The following WAC variants were observed in gnomAD, a reference collection of about 807,000 sequenced individuals.
WAC encodes WW domain containing adaptor with coiled-coil.
Under a neutral mutation model 79.6 loss-of-function variants are expected in WAC, and 11 were observed. The observed-to-expected ratio is 0.14, with a 90% CI of 0.09 to 0.23. The LOEUF is 0.23. WAC is among the 10% of genes least tolerant of loss of function. The probability of loss-of-function intolerance (pLI) is 1.00; values close to 1 mark genes in which losing one functional copy is unlikely to be tolerated. For synonymous variants in WAC, 304 were observed against 276.9 expected (o/e 1.10, Z -0.97); for missense variants, 728 against 773.5 (o/e 0.94, Z 0.70).
chr10:28,590,812 C>G lies in WAC; in HGVS notation c.590C>G (p.Thr197Ser). Reference sequence around the variant, plus strand: ...AGAGAGGTGATGCAAGCAACAGCCACTAGTGGGTTTGCCAGTGGAAGTAAG... The same window carrying G: ...AGAGAGGTGATGCAAGCAACAGCCAGTAGTGGGTTTGCCAGTGGAAGTAAG... ...YRREVMQATA[T>S]SGFASGMEDK... Residue 197 changes from threonine (T) to serine (S), a missense_variant, in exon 6 of 14, where the codon ACT becomes AGT. Around this residue, in one of 3 missense-constraint regions of WAC, gnomAD observed 648 missense variants for 661.5 expected, o/e 0.98. Coordinates refer to ENST00000354911, the MANE Select transcript of WAC (RefSeq NM_016628.5). The G allele has an allele frequency of 6.2e-7, 1 of 1,610,436 alleles. No individual in the cohort carries two copies. The highest frequency in any genetic ancestry group is 8.5e-7 in the Non-Finnish European group (1 of 1,179,084).
Position 28,553,610 on chromosome 10 carries a change from T to A in WAC, c.274+17853T>A, listed in dbSNP as rs545738409. Among the ~76,000 whole-genome samples the A allele has an allele frequency of 3.3e-5, 5 of 152,280 alleles. No homozygotes were observed. In the East Asian group the frequency reaches 7.7e-4, roughly 24 times the overall value. ...ATGGTTTTATAGTGCCGTTTAAGAT[T>A]GAGGGAAGGGTTGTTACTGTTTTAA... is the stretch of plus-strand genomic sequence containing the variant. On this transcript the variant is annotated intron_variant, in intron 3 of 13. Transcript: ENST00000354911.
intron 13 of WAC, among the ~76,000 whole-genome samples, chr10:28,618,371 G>A (rs1841564950): frequency 1.3e-5 from 2 of 150,430 alleles, no homozygotes; most frequent in Non-Finnish European, 3.0e-5. Context: ...GTTACAGGTC[G>A]ATTGAATCTT....
At chr10:28,546,363 A>T (rs1295799821) in intron 3 of WAC, among the ~76,000 whole-genome samples, 1 of 152,214 alleles carries the variant, frequency 6.6e-6, no homozygotes, top group Non-Finnish European at 1.5e-5. Context: ...GATTGTGAAA[A>T]GATTCATTGT....
At chr10:28,587,699 C>T (rs912847543) in intron 4 of WAC, among the ~76,000 whole-genome samples, 1 of 152,206 alleles carries the variant, frequency 6.6e-6, no homozygotes, top group Non-Finnish European at 1.5e-5. Flanking sequence ...TTTTCCTTAA[C>T]TCCTTGAGGA....
In WAC at chr10:28,595,717, G is replaced by T. The variant is rs190151036; in HGVS notation, c.611-16G>T. On this transcript the variant is annotated splice_polypyrimidine_tract_variant and intron_variant, in intron 6 of 13. Transcript: ENST00000354911. ...CTGTCATTCCAACATCTGTTTTTTC[G>T]AACTGTGAACTAAAGTGGAAGACAA... 7 of 1,593,524 alleles carry T rather than the reference G, an allele frequency of 4.4e-6. No homozygotes were observed. In the South Asian group the frequency reaches 5.6e-5, roughly 13 times the overall value.
intron 3 of WAC, among the ~76,000 whole-genome samples, chr10:28,578,224 A>G (rs924089862): frequency 1.3e-5 from 2 of 152,208 alleles, no homozygotes; most frequent in Non-Finnish European, 2.9e-5. Context: ...GACAACTTTG[A>G]GATCTACAAT....
Position 28,597,518 on chromosome 10 carries a change from A to G in WAC, c.919+1477A>G, listed in dbSNP as rs115214171. Among the ~76,000 whole-genome samples the G allele has an allele frequency of 2.8e-3, 424 of 152,080 alleles. 2 individuals carry two copies. Among genetic ancestry groups the G allele is most frequent in the African/African-American group, 9.6e-3 (397 of 41,490 alleles). On this transcript the variant is annotated intron_variant, in intron 7 of 13. Coordinates refer to ENST00000354911, the MANE Select transcript of WAC (RefSeq NM_016628.5). ...TGATACTACACTCCTTCAGTTGCCT[A>G]TTTCTGTTCCTTCCTGCTTACATAT...
chr10:28,583,486 C>T lies in WAC; in HGVS notation c.362C>T (p.Pro121Leu). Residue 121 changes from proline to leucine, a missense_variant, in exon 4 of 14, where the codon CCA (proline) becomes CTA (leucine). Physicochemically the swap from Pro to Leu is moderately conservative, Grantham distance 98. Transcript: ENST00000354911. ...NSHSSNPSNNPSKTSDAPYDS... is the reference protein window; with the variant it reads ...NSHSSNPSNNLSKTSDAPYDS... ...CATTCTTCTAATCCAAGCAATAACC[C>T]AAGCAAAACTTCAGATGCAGTAAGT... 1 of 1,569,308 alleles carries T rather than the reference C, an allele frequency of 6.4e-7. No homozygotes were observed. The highest frequency in any genetic ancestry group is 8.6e-7 in the Non-Finnish European group (1 of 1,162,462).
At chr10:28,572,380 G>C (rs1383458462) in intron 3 of WAC, among the ~76,000 whole-genome samples, 2 of 150,474 alleles carry the variant, frequency 1.3e-5, no homozygotes, top group Non-Finnish European at 3.0e-5. Flanking sequence ...TGTGTGCTAT[G>C]ATGGGGGCTT....
chr10:28,619,212 G>A (rs2772434), intron 13 of WAC, among the ~76,000 whole-genome samples: 19,006 of 152,154 alleles, frequency 0.12, 1,458 homozygotes, highest in South Asian at 0.31. Context: ...CCCGGGAGGC[G>A]GAGATTGCAG....
intron 7 of WAC, among the ~76,000 whole-genome samples, chr10:28,604,194 AC>A (rs1840813117): frequency 6.7e-6 from 1 of 150,346 alleles, no homozygotes; most frequent in African/African-American, 2.4e-5. Flanking sequence ...TTTGACTGTT[AC>A]GTCGATGGAA....
Position 28,595,878 on chromosome 10 carries a change from A to C in WAC, c.756A>C (p.Pro252=). 6.2e-7 allele frequency: 1 copy of C among 1,614,138 alleles called. No individual in the cohort carries two copies. The change falls in exon 7 of 14, where the codon CCA becomes CCC. Residue 252 remains proline, a synonymous_variant. Transcript: ENST00000354911. ...SSTPVQHPIK[P]VVHPTATPST... The stretch of plus-strand genomic sequence containing the variant: ...CGCCAGTACAGCACCCCATCAAACC[A>C]GTGGTTCATCCAACTGCTACCCCAA...
rs71391053 is a variant in WAC, at chr10:28,581,238, C to CTTTT, written c.275-2132_275-2129dup. On this transcript the variant is annotated intron_variant, in intron 3 of 13. Coordinates refer to ENST00000354911, the MANE Select transcript of WAC (RefSeq NM_016628.5). The stretch of plus-strand genomic sequence containing the variant: ...AACAGCTTAGGTACAATGAGCGATT[C>CTTTT]TTTTTTTTTTTTTTTTTTTTTTTTT... Among the ~76,000 whole-genome samples, 238 of 66,102 alleles carry CTTTT rather than the reference C, an allele frequency of 3.6e-3. 12 individuals carry two copies. Among genetic ancestry groups the CTTTT allele is most frequent in the Non-Finnish European group, 4.1e-3 (147 of 36,026 alleles). The allele number at this position is 66,102 out of a possible 152,430, so 43.4% of individuals were successfully genotyped here.
intron 9 of WAC, chr10:28,611,189 T>G (rs559044182): frequency 9.1e-7 from 1 of 1,104,456 alleles, no homozygotes; most frequent in African/African-American, 1.6e-5. Flanking sequence ...GAAGTTTGGT[T>G]CAGATTGACG....
intron 7 of WAC, among the ~76,000 whole-genome samples, chr10:28,607,195 A>T (rs1378909645): frequency 6.6e-6 from 1 of 152,176 alleles, no homozygotes; most frequent in East Asian, 1.9e-4. Context: ...AACTTTACAC[A>T]TCTGCTTGGT....
intron 3 of WAC, among the ~76,000 whole-genome samples, chr10:28,564,770 G>A (rs1002405881): frequency 4.6e-5 from 7 of 152,264 alleles, no homozygotes; most frequent in Admixed American, 2.6e-4. Flanking sequence ...ATCACCTTGC[G>A]TAGCTGTAGT....
chr10:28,560,582 A>G (rs1313879021), intron 3 of WAC, among the ~76,000 whole-genome samples: 1 of 152,144 alleles, frequency 6.6e-6, no homozygotes, highest in Non-Finnish European at 1.5e-5. Flanking sequence ...GAAGGCACAG[A>G]TTTGGGCTGA....
chr10:28,577,326 T>G lies in WAC; in HGVS notation c.275-6073T>G, dbSNP rs988643515. 5.3e-5 allele frequency among the ~76,000 whole-genome samples: 8 copies of G among 151,892 alleles called. 1 individual carries two copies. Among genetic ancestry groups the G allele is most frequent in the Admixed American group, 3.9e-4 (6 of 15,260 alleles). On this transcript the variant is annotated intron_variant, in intron 3 of 13. Transcript: ENST00000354911. ...AATAGCTGCATTTTTATCCTAATGG[T>G]TTTTTTTGCATTATTATCTCTTGAA...
At chr10:28,535,412 A>C (rs1836588697) in intron 2 of WAC, 150 bp from the exon 3 acceptor site, 3 of 949,652 alleles carry the variant, frequency 3.2e-6, no homozygotes, top group Non-Finnish European at 4.5e-6. Flanking sequence ...TGTCTGAGAA[A>C]CTTTAAAGAG....
Sources: gnomAD v4.1 joint callset for allele counts (sites outside exome capture counted in the v4.1 genomes callset) on GRCh38, gnomAD v4.1.1 for gene constraint, gnomAD v4.1.1 regional missense constraint, MANE v1.5 for transcripts, NCBI Gene and HGNC (gene_info 2026-07-23, HGNC 2026-07-21) for gene names.